The following CSMD1 variants were observed in gnomAD, a reference collection of about 807,000 sequenced individuals.
CSMD1 encodes CUB and sushi domain-containing protein 1.
In CSMD1, 213 loss-of-function variants were observed where a neutral mutation model predicts 417.5. The ratio of observed to expected loss-of-function variants is 0.51; its 90% confidence interval spans 0.46 to 0.57. The LOEUF (loss-of-function observed/expected upper bound fraction) is 0.57. Among genes scored for constraint, CSMD1 ranks in the 20% least tolerant of loss-of-function variants. The pLI is 0.00. For missense variants in CSMD1, 6,923 were observed against 4,529.7 expected, an observed-to-expected ratio of 1.53 and a Z score of -15.17; for synonymous variants, 2,862 against 1,736.8, an observed-to-expected ratio of 1.65 and a Z score of -16.11.
chr8:3,114,907 C>T (rs1217147320), intron 42 of CSMD1, among the ~76,000 whole-genome samples: 1 of 152,120 alleles, frequency 6.6e-6, no homozygotes. Context: ...ACATACCTAT[C>T]ACAACATATT....
chr8:4,248,334 TC>T (rs1323542752), intron 3 of CSMD1, among the ~76,000 whole-genome samples: 6 of 152,182 alleles, frequency 3.9e-5, no homozygotes, highest in Admixed American at 3.9e-4. Flanking sequence ...TGAAAGTTTC[TC>T]CCAGCCAAAC....
chr8:3,947,976 C>A (rs1811350691), intron 5 of CSMD1, among the ~76,000 whole-genome samples: 1 of 152,170 alleles, frequency 6.6e-6, no homozygotes, highest in Admixed American at 6.5e-5. Context: ...GAGGCCAAGG[C>A]AGGTGGATCA....
At chr8:4,471,268 G>T (rs1800514056) in intron 2 of CSMD1, among the ~76,000 whole-genome samples, 1 of 152,038 alleles carries the variant, frequency 6.6e-6, no homozygotes, top group Non-Finnish European at 1.5e-5. Context: ...AAAAAATCAG[G>T]AACAATAAAT....
intron 2 of CSMD1, among the ~76,000 whole-genome samples, chr8:4,523,893 C>T (rs1803626414): frequency 6.6e-6 from 1 of 152,136 alleles, no homozygotes; most frequent in Admixed American, 6.6e-5. Context: ...CTTTACAAAG[C>T]CAATCATGAT....
chr8:2,998,155 C>A lies in CSMD1; in HGVS notation c.8233G>T (p.Ala2745Ser). The A allele has an allele frequency of 6.2e-7, 1 of 1,613,968 alleles. No homozygotes were observed. Among genetic ancestry groups the A allele is most frequent in the Non-Finnish European group, 8.5e-7 (1 of 1,179,856 alleles). The change falls in exon 54 of 70, where the codon GCC (alanine) becomes TCC (serine). Residue 2745 changes from alanine to serine, a missense_variant. Physicochemically the swap from Ala to Ser is moderately conservative, Grantham distance 99. Coordinates refer to ENST00000635120, the MANE Select transcript of CSMD1 (RefSeq NM_033225.6). ...PITCGHPGNP[A>S]HGFTNGSEFN... ...TCACTGCCATTAGTGAATCCGTGGGCAGGGTTTCCAGGGTGACCACATGTG... is the reference window on the plus strand; with the variant it reads ...TCACTGCCATTAGTGAATCCGTGGGAAGGGTTTCCAGGGTGACCACATGTG...
At chr8:3,495,940 G>T (rs1358347863) in intron 10 of CSMD1, among the ~76,000 whole-genome samples, 2 of 152,090 alleles carry the variant, frequency 1.3e-5, no homozygotes, top group South Asian at 4.1e-4. Flanking sequence ...TACATGGGCA[G>T]GATGTGCAGG....
chr8:3,507,532 G>C (rs1438217111), intron 10 of CSMD1, among the ~76,000 whole-genome samples: 2 of 152,170 alleles, frequency 1.3e-5, no homozygotes, highest in African/African-American at 4.8e-5. Flanking sequence ...TAATGGGATT[G>C]CTGGGTCAAA....
chr8:3,142,473 G>C lies in CSMD1; in HGVS notation c.6233C>G (p.Ala2078Gly), dbSNP rs765162610. The C allele has an allele frequency of 1.1e-5, 18 of 1,613,054 alleles. 1 individual carries two copies. The highest frequency in any genetic ancestry group is 1.4e-5 in the Non-Finnish European group (17 of 1,179,356). The change falls in exon 41 of 70, where the codon GCT becomes GGT. Residue 2078 changes from alanine (A) to glycine (G), a missense_variant. Ala to Gly is a moderately conservative substitution (Grantham distance 60). Transcript: ENST00000635120. ...HSQNRQGFKL[A>G]YQAYELQNCP... ...TCGTTGTTGTTCCATACCTTGGTAA[G>C]CAAGTTTAAATCCTTGCCGGTTTTG...
chr8:3,882,097 T>C (rs10090300), intron 5 of CSMD1, among the ~76,000 whole-genome samples: 13,568 of 152,158 alleles, frequency 0.089, 1,237 homozygotes, highest in African/African-American at 0.23. Context: ...TAAGAAATTC[T>C]GGTCAAACCA....
intron 5 of CSMD1, among the ~76,000 whole-genome samples, chr8:3,905,568 A>T (rs2129136340): frequency 6.6e-6 from 1 of 152,350 alleles, no homozygotes; most frequent in East Asian, 1.9e-4. Context: ...GGGCTTGTGC[A>T]AACACAGATG....
chr8:4,137,599 A>C lies in CSMD1; in HGVS notation c.416-105500T>G, dbSNP rs1803515443. On this transcript the variant is annotated intron_variant, in intron 3 of 69. Coordinates refer to ENST00000635120, the MANE Select transcript of CSMD1 (RefSeq NM_033225.6). ...TGTTAATGGAACTGGTTGGTTTGTA[A>C]GATACAAAAAAGACAACTGTTAATT... Among the ~76,000 whole-genome samples, 3 of 131,640 alleles carry C rather than the reference A, an allele frequency of 2.3e-5. 1 individual carries two copies. The highest frequency in any genetic ancestry group is 7.9e-5 in the Admixed American group (1 of 12,688). 86.4% of individuals were successfully genotyped at this position (131,640 alleles called of 152,430 possible).
Position 3,780,607 on chromosome 8 carries a change from A to G in CSMD1, c.819-26565T>C, listed in dbSNP as rs990626903. Reference sequence around the variant, plus strand: ...AAAGTGCATCTAATAATTCACTACAACTGTCATCAAACTGGGCCTGCTCCC... The same window carrying G: ...AAAGTGCATCTAATAATTCACTACAGCTGTCATCAAACTGGGCCTGCTCCC... On this transcript the variant is annotated intron_variant, in intron 5 of 69. Coordinates refer to ENST00000635120, the MANE Select transcript of CSMD1 (RefSeq NM_033225.6). 4.6e-5 allele frequency among the ~76,000 whole-genome samples: 7 copies of G among 152,176 alleles called. No homozygotes were observed. In the East Asian group the frequency reaches 1.2e-3, roughly 25 times the overall value.
chr8:3,293,951 G>T (rs1364286314), intron 25 of CSMD1, among the ~76,000 whole-genome samples: 1 of 152,140 alleles, frequency 6.6e-6, no homozygotes, highest in East Asian at 1.9e-4. Flanking sequence ...CCCCATCTTT[G>T]TGGTTTTATC....
rs113260346 is a variant in CSMD1, at chr8:2,935,738, G to C, written c.*2847C>G. The C allele has an allele frequency of 6.6e-6, 1 of 152,072 alleles. No individual in the cohort carries two copies. The highest frequency in any genetic ancestry group is 2.4e-5 in the African/African-American group (1 of 41,404). The allele number at this position is 152,072 out of a possible 1,614,324, so 9.4% of individuals were successfully genotyped here. On this transcript the variant is annotated 3_prime_UTR_variant, in exon 70 of 70. Transcript: ENST00000635120. ...GTGTGGTGGGACGGGAGGGAGGGTC[G>C]GCGATGACAATGGGTTTTCCTGATC...
chr8:4,271,259 A>G (rs998720984), intron 3 of CSMD1, among the ~76,000 whole-genome samples: 71 of 152,320 alleles, frequency 4.7e-4, no homozygotes, highest in African/African-American at 1.6e-3. Context: ...ACTCAGGACC[A>G]TGAAGCTGTA....
chr8:4,729,699 G>T lies in CSMD1; in HGVS notation c.86-92141C>A, dbSNP rs188063380. ...CTAGCTGTTGTTTGAAAGTTCCAGTGGCTTTTCAAAGCTGTGCTTACAACT... is the reference window on the plus strand; with the variant it reads ...CTAGCTGTTGTTTGAAAGTTCCAGTTGCTTTTCAAAGCTGTGCTTACAACT... On this transcript the variant is annotated intron_variant, in intron 1 of 69. Coordinates refer to ENST00000635120, the MANE Select transcript of CSMD1 (RefSeq NM_033225.6). Among the ~76,000 whole-genome samples the T allele has an allele frequency of 2.0e-4, 30 of 152,260 alleles. 1 individual carries two copies. The East Asian group carries it at 5.8e-3, about 29-fold the overall frequency.
At chr8:4,001,574 T>G (rs373970669) in intron 4 of CSMD1, among the ~76,000 whole-genome samples, 1 of 152,196 alleles carries the variant, frequency 6.6e-6, no homozygotes, top group Non-Finnish European at 1.5e-5. Context: ...CTATTTAAAA[T>G]GCCAGTGGCT....
At chr8:3,338,549 G>A (rs898976122) in intron 23 of CSMD1, among the ~76,000 whole-genome samples, 1 of 152,158 alleles carries the variant, frequency 6.6e-6, no homozygotes, top group East Asian at 1.9e-4. Context: ...AATTGTGAAT[G>A]TCCCTATTTC....
At chr8:2,949,424 T>A (rs201340269) in intron 67 of CSMD1, 38 bp from the exon 68 acceptor site, 7 of 363,672 alleles carry the variant, frequency 1.9e-5, no homozygotes, top group East Asian at 7.7e-5. Context: ...AATAAAAAGG[T>A]ATACGAAGGG....
Sources: allele counts gnomAD v4.1 joint callset (sites outside exome capture counted in the v4.1 genomes callset), GRCh38; gene constraint gnomAD v4.1.1; transcripts MANE v1.5; gene names NCBI Gene and HGNC (gene_info 2026-07-23, HGNC 2026-07-21).